Variants in OR51I2 observed in about 807,000 individuals in gnomAD.
OR51I2 encodes olfactory receptor family 51 subfamily I member 2, also known as olfactory receptor 51I2.
OR51I2 carries 6 observed loss-of-function variants against 9.3 expected under a neutral mutation model. That is an observed-to-expected ratio of 0.64 (90% CI 0.35 to 1.27). The LOEUF (loss-of-function observed/expected upper bound fraction) is 1.27, where lower values mean the gene tolerates loss of function less well. Among genes scored for constraint, OR51I2 ranks in the 50% most tolerant of loss-of-function variants. The pLI is 0.03. For synonymous variants in OR51I2, 179 were observed against 143.1 expected (o/e 1.25, Z -1.79); for missense variants, 489 against 396.4 (o/e 1.23, Z -1.98).
At position 5,453,455 on chromosome 11, in the gene OR51I2, C is replaced by A. The variant is rs527688089; in HGVS notation, c.-34C>A. ...GTTAGAATTCTCCAAGTCAGAAGAT[C>A]TGACTCTGAAAAGTACCCTAAGTTT... On this transcript the variant is annotated 5_prime_UTR_variant, in exon 2 of 2. In the 5' UTR this introduces an upstream ATG that the reference lacks. Coordinates refer to ENST00000641930, the MANE Select transcript of OR51I2 (RefSeq NM_001004754.3). 4.5e-5 allele frequency: 65 copies of A among 1,454,948 alleles called. No individual in the cohort carries two copies. Among genetic ancestry groups the A allele is most frequent in the Non-Finnish European group, 5.7e-5 (62 of 1,087,500 alleles). The allele number at this position is 1,454,948 out of a possible 1,614,324, so 90.1% of individuals were successfully genotyped here.
rs549065495 is a variant in OR51I2, at chr11:5,453,463, G to C, written c.-26G>C. ...TCTCCAAGTCAGAAGATCTGACTCT[G>C]AAAAGTACCCTAAGTTTGTTTTGCT... is the stretch of plus-strand genomic sequence containing the variant. On this transcript the variant is annotated 5_prime_UTR_variant, in exon 2 of 2. Transcript: ENST00000641930. The C allele has an allele frequency of 6.7e-7, 1 of 1,487,698 alleles. No individual in the cohort carries two copies. The highest frequency in any genetic ancestry group is 1.4e-5 in the African/African-American group (1 of 71,260). The allele number at this position is 1,487,698 out of a possible 1,614,324, so 92.2% of individuals were successfully genotyped here.
Position 5,454,176 on chromosome 11 carries a change from T to C in OR51I2, c.688T>C (p.Ser230Pro). 1.2e-6 allele frequency: 2 copies of C among 1,612,550 alleles called. No individual in the cohort carries two copies. The highest frequency in any genetic ancestry group is 8.5e-7 in the Non-Finnish European group (1 of 1,179,232). Residue 230 changes from serine to proline, a missense_variant, in exon 2 of 2, where the codon TCC becomes CCC. Ser to Pro is a moderately conservative substitution (Grantham distance 74). Transcript: ENST00000641930. Reference protein sequence around the residue: ...LILRSVMATASREERLKALNT... With the variant: ...LILRSVMATAPREERLKALNT... The stretch of plus-strand genomic sequence containing the variant: ...TCTGCGTTCTGTCATGGCCACTGCT[T>C]CCCGTGAGGAACGCCTCAAAGCTCT...
chr11:5,453,642 G>C lies in OR51I2; in HGVS notation c.154G>C (p.Glu52Gln), dbSNP rs142661859. 1.9e-6 allele frequency: 3 copies of C among 1,613,712 alleles called. No homozygotes were observed. The highest frequency in any genetic ancestry group is 2.7e-5 in the African/African-American group (2 of 75,000). The change falls in exon 2 of 2, where the codon GAG becomes CAG. Residue 52 changes from glutamate (E) to glutamine (Q), a missense_variant. Physicochemically the swap from Glu to Gln is conservative, Grantham distance 29 (BLOSUM62 2). Transcript: ENST00000641930. ...NTVILQAVRVEPSLHEPMYYF... is the reference protein window; with the variant it reads ...NTVILQAVRVQPSLHEPMYYF... ...AGTGATCCTGCAGGCTGTGCGAGTG[G>C]AGCCCAGCCTCCATGAGCCCATGTA...
Position 5,454,259 on chromosome 11 carries a change from G to A in OR51I2, c.771G>A (p.Gly257=). The change falls in exon 2 of 2, where the codon GGG becomes GGA. Residue 257 remains glycine, a synonymous_variant. Coordinates refer to ENST00000641930, the MANE Select transcript of OR51I2 (RefSeq NM_001004754.3). ...AVLAFYVPMI[G]VSTVHRFGKH... ...TTGCATTTTATGTGCCAATGATTGG[G>A]GTCTCCACAGTGCACCGCTTTGGGA... is the stretch of plus-strand genomic sequence containing the variant. The A allele has an allele frequency of 6.2e-7, 1 of 1,614,132 alleles. No homozygotes were observed. The highest frequency in any genetic ancestry group is 8.5e-7 in the Non-Finnish European group (1 of 1,180,022).
In OR51I2 at chr11:5,455,989, A is replaced by G. The variant is rs970990907; in HGVS notation, c.*1562A>G. 6 of 152,236 alleles carry G rather than the reference A, an allele frequency of 3.9e-5. No individual in the cohort carries two copies. The highest frequency in any genetic ancestry group is 8.8e-5 in the Non-Finnish European group (6 of 68,040). The allele number at this position is 152,236 out of a possible 1,614,324, so 9.4% of individuals were successfully genotyped here. On this transcript the variant is annotated 3_prime_UTR_variant, in exon 2 of 2. Coordinates refer to ENST00000641930, the MANE Select transcript of OR51I2 (RefSeq NM_001004754.3). ...GTATGGTCTTCAGTCAATTTAAATA[A>G]TAACTTTTCTGATTCATATTAGAAG...
Position 5,453,712 on chromosome 11 carries a change from T to G in OR51I2, c.224T>G (p.Met75Arg). Residue 75 changes from methionine to arginine, a missense_variant, in exon 2 of 2, where the codon ATG becomes AGG. Transcript: ENST00000641930. ...TCCTTCAGTGATGTGGCCATATCCA[T>G]GGCCACACTGCCCACTGTACTCCGA... Reference protein sequence around the residue: ...MLSFSDVAISMATLPTVLRTF... With the variant: ...MLSFSDVAISRATLPTVLRTF... The G allele has an allele frequency of 6.2e-7, 1 of 1,613,946 alleles. No individual in the cohort carries two copies. The highest frequency in any genetic ancestry group is 8.5e-7 in the Non-Finnish European group (1 of 1,179,826).
Position 5,455,074 on chromosome 11 carries a change from G to A in OR51I2, c.*647G>A, listed in dbSNP as rs1251539388. On this transcript the variant is annotated 3_prime_UTR_variant, in exon 2 of 2. Coordinates refer to ENST00000641930, the MANE Select transcript of OR51I2 (RefSeq NM_001004754.3). Reference sequence around the variant, plus strand: ...TAACTATTAGAACTCACCATAAAATGTATGAACAAATGTGATCCAGGTAAA... The same window carrying A: ...TAACTATTAGAACTCACCATAAAATATATGAACAAATGTGATCCAGGTAAA... 1.3e-5 allele frequency: 2 copies of A among 152,174 alleles called. No individual in the cohort carries two copies. Among genetic ancestry groups the A allele is most frequent in the Non-Finnish European group, 2.9e-5 (2 of 68,052 alleles). 9.4% of individuals were successfully genotyped at this position (152,174 alleles called of 1,614,324 possible). A position where few individuals can be genotyped will look rare whatever the true frequency, so the allele number is the denominator to read the frequency against.
chr11:5,453,136 T>C (rs899620713), intron 1 of OR51I2, 123 bp from the exon 2 acceptor site: 3 of 171,238 alleles, frequency 1.8e-5, no homozygotes, highest in Non-Finnish European at 3.7e-5. Context: ...GTAGTTAGCA[T>C]ATTTCTATTG....
At chr11:5,453,127 T>G (rs1590003750) in intron 1 of OR51I2, 132 bp from the exon 2 acceptor site, 1 of 166,138 alleles carries the variant, frequency 6.0e-6, no homozygotes, top group Non-Finnish European at 1.3e-5. Flanking sequence ...CTATGAATTG[T>G]AGTTAGCATA....
At chr11:5,450,301 A>G (rs1235510543) in intron 1 of OR51I2, among the ~76,000 whole-genome samples, 2 of 152,124 alleles carry the variant, frequency 1.3e-5, no homozygotes, top group Admixed American at 6.5e-5. Flanking sequence ...GGGCACAAGA[A>G]TCACCTGAAC....
In OR51I2 at chr11:5,453,633, G is replaced by C; in HGVS notation, c.145G>C (p.Val49Leu). The C allele has an allele frequency of 6.2e-7, 1 of 1,613,798 alleles. No individual in the cohort carries two copies. Among genetic ancestry groups the C allele is most frequent in the Non-Finnish European group, 8.5e-7 (1 of 1,179,916 alleles). Residue 49 changes from valine to leucine, a missense_variant, in exon 2 of 2, where the codon GTG becomes CTG. Coordinates refer to ENST00000641930, the MANE Select transcript of OR51I2 (RefSeq NM_001004754.3). ...LGGNTVILQAVRVEPSLHEPM... is the reference protein window; with the variant it reads ...LGGNTVILQALRVEPSLHEPM... ...GGGAAATACAGTGATCCTGCAGGCT[G>C]TGCGAGTGGAGCCCAGCCTCCATGA... is the stretch of plus-strand genomic sequence containing the variant.
chr11:5,453,934 C>G lies in OR51I2; in HGVS notation c.446C>G (p.Ala149Gly), dbSNP rs895093505. The change falls in exon 2 of 2, where the codon GCT (alanine) becomes GGT (glycine). Residue 149 changes from alanine to glycine, a missense_variant. Physicochemically the swap from Ala to Gly is moderately conservative, Grantham distance 60. Transcript: ENST00000641930. ...EVIAAMGLGA[A>G]ARSFITLFPL... Reference sequence around the variant, plus strand: ...ATTGCTGCAATGGGTTTAGGTGCAGCTGCTCGAAGCTTCATCACCCTTTTC... The same window carrying G: ...ATTGCTGCAATGGGTTTAGGTGCAGGTGCTCGAAGCTTCATCACCCTTTTC... 6.2e-7 allele frequency: 1 copy of G among 1,614,094 alleles called. No homozygotes were observed. The highest frequency in any genetic ancestry group is 8.5e-7 in the Non-Finnish European group (1 of 1,180,044).
chr11:5,449,967 C>G (rs945110684), intron 1 of OR51I2, among the ~76,000 whole-genome samples: 7 of 152,172 alleles, frequency 4.6e-5, no homozygotes, highest in Non-Finnish European at 8.8e-5. Context: ...ATTCCTCCAG[C>G]CTCTACCTTC....
At chr11:5,449,831 A>G (rs1253611222) in intron 1 of OR51I2, among the ~76,000 whole-genome samples, 3 of 152,126 alleles carry the variant, frequency 2.0e-5, no homozygotes, top group African/African-American at 4.8e-5. Flanking sequence ...ATACGTAAAA[A>G]TCTCCAGGAT....
rs773498591 is a variant in OR51I2 at position 5,453,910 on chromosome 11, T to C, written c.422T>C (p.Ile141Thr). 4.3e-6 allele frequency: 7 copies of C among 1,614,104 alleles called. No individual in the cohort carries two copies. The highest frequency in any genetic ancestry group is 1.7e-5 in the Admixed American group (1 of 60,010). The change falls in exon 2 of 2, where the codon ATT (isoleucine) becomes ACT (threonine). Residue 141 changes from isoleucine (I) to threonine (T), a missense_variant. Physicochemically the swap from Ile to Thr is moderately conservative, Grantham distance 89 (BLOSUM62 -1). Coordinates refer to ENST00000641930, the MANE Select transcript of OR51I2 (RefSeq NM_001004754.3). The stretch of plus-strand genomic sequence containing the variant: ...GCAACTGTGCTCACCACTGAAGTCA[T>C]TGCTGCAATGGGTTTAGGTGCAGCT... ...RYATVLTTEV[I>T]AAMGLGAAAR...
At chr11:5,450,127 A>G (rs1175748639) in intron 1 of OR51I2, among the ~76,000 whole-genome samples, 1 of 152,026 alleles carries the variant, frequency 6.6e-6, no homozygotes, top group Non-Finnish European at 1.5e-5. Flanking sequence ...GGTGGCTCAT[A>G]CCTGTAATCC....
In OR51I2 at chr11:5,453,832, T is replaced by G; in HGVS notation, c.344T>G (p.Leu115Arg). ...TTCTCCATGATGGAATCAGGTATTC[T>G]GCTGGCCATGAGTTTTGACCGCTAT... ...HFFSMMESGILLAMSFDRYVA... is the reference protein window; with the variant it reads ...HFFSMMESGIRLAMSFDRYVA... Residue 115 changes from leucine to arginine, a missense_variant, in exon 2 of 2, where the codon CTG (leucine) becomes CGG (arginine). Physicochemically the swap from Leu to Arg is moderately radical, Grantham distance 102. Transcript: ENST00000641930. The G allele has an allele frequency of 6.2e-7, 1 of 1,614,272 alleles. No individual in the cohort carries two copies.
chr11:5,454,187 AC>A lies in OR51I2; in HGVS notation c.700del (p.Arg234AlafsTer22). The A allele has an allele frequency of 6.2e-7, 1 of 1,605,782 alleles. No individual in the cohort carries two copies. The highest frequency in any genetic ancestry group is 1.1e-5 in the South Asian group (1 of 90,852). ...SVMATASREE[R>X]LKALNTCVSH... ...TCATGGCCACTGCTTCCCGTGAGGA[AC>A]GCCTCAAAGCTCTCAACACATGTGT... On this transcript the variant is annotated frameshift_variant, in exon 2 of 2. Coordinates refer to ENST00000641930, the MANE Select transcript of OR51I2 (RefSeq NM_001004754.3). LOFTEE classifies it high-confidence loss of function.
intron 1 of OR51I2, among the ~76,000 whole-genome samples, chr11:5,450,417 G>T (rs2647614): frequency 0.35 from 53,547 of 151,762 alleles, 10,506 homozygotes; most frequent in Non-Finnish European, 0.45. Flanking sequence ...ATTAATTAAT[G>T]AATAAAAATA....
Sources: gnomAD v4.1 joint callset for allele counts (sites outside exome capture counted in the v4.1 genomes callset) on GRCh38, gnomAD v4.1.1 for gene constraint, MANE v1.5 for transcripts, NCBI Gene and HGNC (gene_info 2026-07-23, HGNC 2026-07-21) for gene names.